The following GMDS variants were observed in gnomAD, a reference collection of about 807,000 sequenced individuals.
GMDS encodes the protein GDP-mannose 4,6-dehydratase, also known as GDP-mannose 4,6 dehydratase.
A neutral mutation model predicts 49.9 loss-of-function variants in GMDS; 20 were observed. The observed-to-expected ratio is 0.40, with a 90% CI of 0.28 to 0.58. The LOEUF (loss-of-function observed/expected upper bound fraction) is 0.58. Ranked by LOEUF, GMDS falls within the 20% of genes least tolerant of loss-of-function variation. GMDS has a pLI of 0.42. For missense variants in GMDS, 362 were observed against 481.4 expected (o/e 0.75, Z 2.32); for synonymous variants, 177 against 178.6 (o/e 0.99, Z 0.07).
At chr6:1,904,324 T>C (rs946532529) in intron 7 of GMDS, among the ~76,000 whole-genome samples, 2 of 152,114 alleles carry the variant, frequency 1.3e-5, no homozygotes, top group Non-Finnish European at 2.9e-5. Context: ...CCTGGGGGCC[T>C]TACTGTTAAT....
chr6:2,166,963 C>T (rs1777698838), intron 1 of GMDS, among the ~76,000 whole-genome samples: 1 of 152,224 alleles, frequency 6.6e-6, no homozygotes, highest in African/African-American at 2.4e-5. Flanking sequence ...CCAGGGAAGA[C>T]CGTTGCCTCT....
rs566751837 is a variant in GMDS, at chr6:1,647,788, G to T, written c.988-23248C>A. 4.6e-5 allele frequency among the ~76,000 whole-genome samples: 7 copies of T among 152,294 alleles called. No homozygotes were observed. In the South Asian group the frequency reaches 1.5e-3, roughly 32 times the overall value. ...GACACATTCTCAGGCCGGAGTGGGG[G>T]AAGGACAAGCCCTTCCTTCCTCCTG... On this transcript the variant is annotated intron_variant, in intron 9 of 10. Transcript: ENST00000380815.
At position 1,631,283 on chromosome 6, in the gene GMDS, T is replaced by C. The variant is rs114436923; in HGVS notation, c.988-6743A>G. Among the ~76,000 whole-genome samples, 1,117 of 152,210 alleles carry C rather than the reference T, an allele frequency of 7.3e-3. 8 individuals carry two copies. Among genetic ancestry groups the C allele is most frequent in the African/African-American group, 0.026 (1,076 of 41,536 alleles). ...TTTTGTATCTGTTGCAGGTGGCCTC[T>C]TTCCTAGAGATGAAAGTTCTGTGCA... On this transcript the variant is annotated intron_variant, in intron 9 of 10. Coordinates refer to ENST00000380815, the MANE Select transcript of GMDS (RefSeq NM_001500.4).
chr6:2,087,680 AT>A (rs1435351581), intron 4 of GMDS, among the ~76,000 whole-genome samples: 9 of 152,212 alleles, frequency 5.9e-5, no homozygotes, highest in Admixed American at 2.0e-4. Context: ...GCCACACGCA[AT>A]TTTAGTATTG....
At chr6:1,808,827 T>G (rs1221609209) in intron 7 of GMDS, among the ~76,000 whole-genome samples, 1 of 152,202 alleles carries the variant, frequency 6.6e-6, no homozygotes, top group Non-Finnish European at 1.5e-5. Context: ...AAAATACTAC[T>G]GATATAAATG....
chr6:1,733,089 T>G (rs1487132128), intron 8 of GMDS, among the ~76,000 whole-genome samples: 1 of 152,216 alleles, frequency 6.6e-6, no homozygotes, highest in Non-Finnish European at 1.5e-5. Context: ...AGGATTCCCC[T>G]GTCACCCTGC....
At chr6:1,900,211 C>A (rs1050062455) in intron 7 of GMDS, among the ~76,000 whole-genome samples, 9 of 152,164 alleles carry the variant, frequency 5.9e-5, no homozygotes, top group Admixed American at 5.9e-4. Context: ...TGTGGGGTGA[C>A]CTCCATGGAG....
intron 9 of GMDS, among the ~76,000 whole-genome samples, chr6:1,629,525 AG>A (rs1762935875): frequency 6.6e-6 from 1 of 152,302 alleles, no homozygotes; most frequent in African/African-American, 2.4e-5. Flanking sequence ...GGGTGCAGGC[AG>A]TGGAGAGGAA....
intron 9 of GMDS, among the ~76,000 whole-genome samples, chr6:1,652,101 G>A (rs980074099): frequency 1.3e-5 from 2 of 151,410 alleles, no homozygotes; most frequent in Non-Finnish European, 2.9e-5. Flanking sequence ...GGCCGGGTGT[G>A]GTGGCTCATG....
chr6:2,154,478 TG>T (rs1159842552), intron 1 of GMDS, among the ~76,000 whole-genome samples: 1 of 152,088 alleles, frequency 6.6e-6, no homozygotes. Flanking sequence ...ATTAAGATAC[TG>T]GGAAGTGGTT....
At position 1,778,163 on chromosome 6, in the gene GMDS, G is replaced by A. The variant is rs928748766; in HGVS notation, c.772-35577C>T. 2.0e-5 allele frequency among the ~76,000 whole-genome samples: 3 copies of A among 152,148 alleles called. No homozygotes were observed. Among genetic ancestry groups the A allele is most frequent in the Admixed American group, 2.0e-4 (3 of 15,276 alleles). On this transcript the variant is annotated intron_variant, in intron 7 of 10. Transcript: ENST00000380815. The surrounding 1 kb of genome is among the most constrained non-coding windows in gnomAD (Gnocchi z 4.6). ...GCTGAATAAAGGATCGAGTTAGACTGGCCTTCTCAACACCTCACGAAAAGC... is the reference window on the plus strand; with the variant it reads ...GCTGAATAAAGGATCGAGTTAGACTAGCCTTCTCAACACCTCACGAAAAGC...
At chr6:2,160,892 C>G (rs1028971639) in intron 1 of GMDS, among the ~76,000 whole-genome samples, 29 of 152,178 alleles carry the variant, frequency 1.9e-4, no homozygotes, top group Non-Finnish European at 3.1e-4. Flanking sequence ...TGCAAATATT[C>G]CAATAAATAC....
chr6:2,236,776 T>C (rs1332968857), intron 1 of GMDS, among the ~76,000 whole-genome samples: 3 of 152,236 alleles, frequency 2.0e-5, no homozygotes, highest in African/African-American at 7.2e-5. Context: ...TTAGAGGCTT[T>C]TTCACTCAGC....
intron 9 of GMDS, among the ~76,000 whole-genome samples, chr6:1,671,036 G>C (rs1041845092): frequency 2.0e-5 from 3 of 152,128 alleles, no homozygotes; most frequent in Non-Finnish European, 2.9e-5. Flanking sequence ...TGCTCCCCTT[G>C]CAGCGACTGT....
chr6:1,841,398 A>G (rs1757146225), intron 7 of GMDS, among the ~76,000 whole-genome samples: 1 of 152,222 alleles, frequency 6.6e-6, no homozygotes, highest in Non-Finnish European at 1.5e-5. Flanking sequence ...GTTTCCTCCC[A>G]AACTCTCACT....
intron 1 of GMDS, among the ~76,000 whole-genome samples, chr6:2,234,439 C>G (rs952631113): frequency 2.0e-5 from 3 of 152,036 alleles, no homozygotes; most frequent in Admixed American, 6.5e-5. Context: ...GAAACCCCAT[C>G]TCTACTAAAA....
intron 4 of GMDS, among the ~76,000 whole-genome samples, chr6:2,095,001 G>A (rs1020323795): frequency 9.2e-5 from 14 of 152,106 alleles, no homozygotes; most frequent in African/African-American, 2.9e-4. Context: ...AGAATCAAAT[G>A]AATGGTTATT....
At chr6:1,924,422 TA>T (rs1761890049) in intron 7 of GMDS, among the ~76,000 whole-genome samples, 1 of 152,230 alleles carries the variant, frequency 6.6e-6, no homozygotes, top group Admixed American at 6.5e-5. Context: ...ACATGGCTTT[TA>T]CTGAGTCCTG....
At chr6:1,828,299 A>G (rs967318796) in intron 7 of GMDS, among the ~76,000 whole-genome samples, 1 of 152,180 alleles carries the variant, frequency 6.6e-6, no homozygotes, top group African/African-American at 2.4e-5. Context: ...AAGGAACTCA[A>G]GGGACACCAT....
Sources: allele counts gnomAD v4.1 joint callset (sites outside exome capture counted in the v4.1 genomes callset), GRCh38; gene constraint gnomAD v4.1.1; non-coding constraint Gnocchi (gnomAD v3.1); transcripts MANE v1.5; gene names NCBI Gene and HGNC (gene_info 2026-07-23, HGNC 2026-07-21).